The following RXRB variants were observed in gnomAD, a reference collection of about 807,000 sequenced individuals.
RXRB encodes retinoid X receptor beta, also known as retinoic acid receptor RXR-beta.
In RXRB, 18 loss-of-function variants were observed where a neutral mutation model predicts 52.5. That is an observed-to-expected ratio of 0.34 (90% CI 0.24 to 0.51). The LOEUF is 0.51. Among genes scored for constraint, RXRB ranks in the 20% least tolerant of loss-of-function variants. The probability of loss-of-function intolerance (pLI) is 0.97; values close to 1 mark genes in which losing one functional copy is unlikely to be tolerated. For missense variants in RXRB, 455 were observed against 698.2 expected, an observed-to-expected ratio of 0.65 and a Z score of 3.92; for synonymous variants, 233 against 267.1, an observed-to-expected ratio of 0.87 and a Z score of 1.25.
Position 33,195,617 on chromosome 6 carries a change from C to T in RXRB, c.1209G>A (p.Val403=). The T allele has an allele frequency of 6.2e-7, 1 of 1,613,050 alleles. No individual in the cohort carries two copies. Among genetic ancestry groups the T allele is most frequent in the Non-Finnish European group, 8.5e-7 (1 of 1,180,038 alleles). ...DGILLATGLH[V]HRNSAHSAGV... is the part of the protein sequence containing the mutation. ...CTGCTGAATGGGCTGAGTTGCGGTG[C>T]ACGTGAAGACCTGTGGCAAGGAGGA... The change falls in exon 7 of 10, where the codon GTG becomes GTA. Residue 403 remains valine, a synonymous_variant. Coordinates refer to ENST00000374680, the MANE Select transcript of RXRB (RefSeq NM_021976.5). The surrounding 1 kb of genome is among the most constrained non-coding windows in gnomAD (Gnocchi z 8.6).
chr6:33,197,614 G>T lies in RXRB; in HGVS notation c.820+148C>A. 1 of 742,282 alleles carries T rather than the reference G, an allele frequency of 1.3e-6. No individual in the cohort carries two copies. Among genetic ancestry groups the T allele is most frequent in the Non-Finnish European group, 2.2e-6 (1 of 462,886 alleles). 46.0% of individuals were successfully genotyped at this position (742,282 alleles called of 1,614,324 possible). A position where few individuals can be genotyped will look rare whatever the true frequency, so the allele number is the denominator to read the frequency against. ...ACTCAAGGGCCAGAACAGGGTAACA[G>T]GGAGGAGAGCTGCGAAGGGAGAGAG... On this transcript the variant is annotated intron_variant, in intron 4 of 9. Coordinates refer to ENST00000374680, the MANE Select transcript of RXRB (RefSeq NM_021976.5). This position sits in a 1 kb window ranked among gnomAD's most constrained non-coding sequence, Gnocchi z 4.4.
At chr6:33,199,495 C>T in intron 1 of RXRB, 79 bp from the exon 2 acceptor site, 1 of 1,130,254 alleles carries the variant, frequency 8.8e-7, no homozygotes, top group Non-Finnish European at 1.1e-6. Context: ...CTTCAAACAT[C>T]CAACTAGAGA....
intron 1 of RXRB, chr6:33,199,734 G>A (rs1189165705): frequency 4.6e-6 from 2 of 431,818 alleles, no homozygotes; most frequent in Non-Finnish European, 8.8e-6. Flanking sequence ...TGTGGTGAGA[G>A]GAGGGAGTTG....
rs905867833 is a variant in RXRB, at chr6:33,200,564, TGAGA to T, written c.-92_-89del. 6.7e-7 allele frequency: 1 copy of T among 1,495,828 alleles called. No homozygotes were observed. Among genetic ancestry groups the T allele is most frequent in the Admixed American group, 2.2e-5 (1 of 45,812 alleles). The allele number at this position is 1,495,828 out of a possible 1,614,324, so 92.7% of individuals were successfully genotyped here. ...GATTAGCTGAGCACGAGGAAGCCCC[TGAGA>T]GAAAGACTCTGGCCTGGATTGGGTC... On this transcript the variant is annotated 5_prime_UTR_variant, in exon 1 of 10. Coordinates refer to ENST00000374680, the MANE Select transcript of RXRB (RefSeq NM_021976.5). The surrounding 1 kb of genome is among the most constrained non-coding windows in gnomAD (Gnocchi z 6.3).
At position 33,200,182 on chromosome 6, in the gene RXRB, G is replaced by A; in HGVS notation, c.235+60C>T. 1.9e-6 allele frequency: 3 copies of A among 1,583,124 alleles called. No homozygotes were observed. In the South Asian group the frequency reaches 3.4e-5, roughly 18 times the overall value. On this transcript the variant is annotated intron_variant, in intron 1 of 9. Coordinates refer to ENST00000374680, the MANE Select transcript of RXRB (RefSeq NM_021976.5). This position sits in a 1 kb window ranked among gnomAD's most constrained non-coding sequence, Gnocchi z 6.3. Reference sequence around the variant, plus strand: ...GAAAAGAGCACCGGGGGAGGGTGTGGGGGAGGGGTCGCAGATAAAGCGGTC... The same window carrying A: ...GAAAAGAGCACCGGGGGAGGGTGTGAGGGAGGGGTCGCAGATAAAGCGGTC...
intron 2 of RXRB, chr6:33,198,679 C>A: frequency 1.5e-6 from 1 of 685,324 alleles, no homozygotes; most frequent in South Asian, 1.5e-5. Context: ...ACACAGTGAC[C>A]CTGAAGGGCA....
At chr6:33,198,218 T>C in intron 3 of RXRB, 90 bp downstream of exon 3, 1 of 1,580,868 alleles carries the variant, frequency 6.3e-7, no homozygotes, top group Non-Finnish European at 8.7e-7. Flanking sequence ...GGTCACTTGC[T>C]CTGACCAAAC....
chr6:33,198,761 AG>A (rs1225157464), intron 2 of RXRB: 3 of 525,298 alleles, frequency 5.7e-6, no homozygotes, highest in Non-Finnish European at 1.0e-5. Context: ...CAAGAATATC[AG>A]AATTAGCCGG....
At position 33,200,653 on chromosome 6, in the gene RXRB, T is replaced by C; in HGVS notation, c.-177A>G. On this transcript the variant is annotated 5_prime_UTR_variant, in exon 1 of 10. Coordinates refer to ENST00000374680, the MANE Select transcript of RXRB (RefSeq NM_021976.5). The surrounding 1 kb of genome is among the most constrained non-coding windows in gnomAD (Gnocchi z 6.3). ...GACAGCGCCAATGTGGCAGCCATCT[T>C]TGTACAGACGGGAAGTCTCGGCGCG... The C allele has an allele frequency of 1.3e-6, 2 of 1,531,508 alleles. No homozygotes were observed. Among genetic ancestry groups the C allele is most frequent in the South Asian group, 1.2e-5 (1 of 81,082 alleles). 94.9% of individuals were successfully genotyped at this position (1,531,508 alleles called of 1,614,324 possible).
rs376088758 is a variant in RXRB at position 33,197,021 on chromosome 6, C to T, written c.821-415G>A. ...ATTCTCATTTTTAAGATGAAGAACT[C>T]GGGGTTCAAAGAGATTAGTTTGCTT... is the stretch of plus-strand genomic sequence containing the variant. On this transcript the variant is annotated intron_variant, in intron 4 of 9. Coordinates refer to ENST00000374680, the MANE Select transcript of RXRB (RefSeq NM_021976.5). This position sits in a 1 kb window ranked among gnomAD's most constrained non-coding sequence, Gnocchi z 4.4. 6.6e-6 allele frequency among the ~76,000 whole-genome samples: 1 copy of T among 152,110 alleles called. No homozygotes were observed. Among genetic ancestry groups the T allele is most frequent in the Non-Finnish European group, 1.5e-5 (1 of 68,022 alleles).
rs1562411358 is a variant in RXRB at position 33,195,948 on chromosome 6, G to A, written c.1082C>T (p.Ser361Phe). ...VEWAKRIPHF[S>F]SLPLDDQVIL... ...GACCTGATCATCCAGAGGCAAGGAG[G>A]AAAAGTGTGGGATCCTCTTCGCCCA... is the stretch of plus-strand genomic sequence containing the variant. The change falls in exon 6 of 10, where the codon TCC becomes TTC. Residue 361 changes from serine (S) to phenylalanine (F), a missense_variant. Transcript: ENST00000374680. This position sits in a 1 kb window ranked among gnomAD's most constrained non-coding sequence, Gnocchi z 8.6. 1 of 1,613,028 alleles carries A rather than the reference G, an allele frequency of 6.2e-7. No homozygotes were observed. The highest frequency in any genetic ancestry group is 8.5e-7 in the Non-Finnish European group (1 of 1,180,036).
rs748988941 is a variant in RXRB, at chr6:33,194,571, C to T, written c.*111G>A. ...ATGTTCTTGGTTCTGCCCTGTACTTCTCACCCCATCAAGGTTCTGGGAACA... is the reference window on the plus strand; with the variant it reads ...ATGTTCTTGGTTCTGCCCTGTACTTTTCACCCCATCAAGGTTCTGGGAACA... On this transcript the variant is annotated 3_prime_UTR_variant, in exon 10 of 10. Coordinates refer to ENST00000374680, the MANE Select transcript of RXRB (RefSeq NM_021976.5). This position sits in a 1 kb window ranked among gnomAD's most constrained non-coding sequence, Gnocchi z 4.1. 8.4e-7 allele frequency: 1 copy of T among 1,191,258 alleles called. No individual in the cohort carries two copies. Among genetic ancestry groups the T allele is most frequent in the Non-Finnish European group, 1.2e-6 (1 of 854,322 alleles). 73.8% of individuals were successfully genotyped at this position (1,191,258 alleles called of 1,614,324 possible).
rs1774356862 is a variant in RXRB at position 33,200,168 on chromosome 6, CGGGGGAGGGTGT to C, written c.235+62_235+73del. The stretch of plus-strand genomic sequence containing the variant: ...GGCGGGAGCGCAAGGAAAAGAGCAC[CGGGGGAGGGTGT>C]GGGGGAGGGGTCGCAGATAAAGCGG... On this transcript the variant is annotated intron_variant, in intron 1 of 9. Coordinates refer to ENST00000374680, the MANE Select transcript of RXRB (RefSeq NM_021976.5). The surrounding 1 kb of genome is among the most constrained non-coding windows in gnomAD (Gnocchi z 6.3). 1 of 1,563,700 alleles carries C rather than the reference CGGGGGAGGGTGT, an allele frequency of 6.4e-7. No homozygotes were observed. The highest frequency in any genetic ancestry group is 8.7e-7 in the Non-Finnish European group (1 of 1,148,890).
chr6:33,196,222 G>C lies in RXRB; in HGVS notation c.994-186C>G. 1.1e-6 allele frequency: 1 copy of C among 931,928 alleles called. No homozygotes were observed. The highest frequency in any genetic ancestry group is 1.7e-6 in the Non-Finnish European group (1 of 591,730). 57.7% of individuals were successfully genotyped at this position (931,928 alleles called of 1,614,324 possible). On this transcript the variant is annotated intron_variant, in intron 5 of 9. Transcript: ENST00000374680. The surrounding 1 kb of genome is among the most constrained non-coding windows in gnomAD (Gnocchi z 4.0). ...AATTATTTATTTGGGACATGCCTAT[G>C]GTTCTGCCAGTGGGTTGTTTGGGGA...
At position 33,200,637 on chromosome 6, in the gene RXRB, A is replaced by T; in HGVS notation, c.-161T>A. 2.6e-6 allele frequency: 4 copies of T among 1,516,460 alleles called. No individual in the cohort carries two copies. In the South Asian group the frequency reaches 3.8e-5, roughly 14 times the overall value. The allele number at this position is 1,516,460 out of a possible 1,614,324, so 93.9% of individuals were successfully genotyped here. On this transcript the variant is annotated 5_prime_UTR_variant, in exon 1 of 10. An upstream open reading frame in the 5' UTR gains an earlier in-frame stop. Transcript: ENST00000374680. The surrounding 1 kb of genome is among the most constrained non-coding windows in gnomAD (Gnocchi z 6.3). ...TGCTCAGTACCAAAATGACAGCGCC[A>T]ATGTGGCAGCCATCTTTGTACAGAC...
Position 33,194,316 on chromosome 6 carries a change from C to T in RXRB, c.*366G>A. The T allele has an allele frequency of 5.2e-6, 1 of 193,480 alleles. No homozygotes were observed. The highest frequency in any genetic ancestry group is 1.1e-5 in the Non-Finnish European group (1 of 95,114). 12.0% of individuals were successfully genotyped at this position (193,480 alleles called of 1,614,324 possible). A position where few individuals can be genotyped will look rare whatever the true frequency, so the allele number is the denominator to read the frequency against. On this transcript the variant is annotated 3_prime_UTR_variant, in exon 10 of 10. Coordinates refer to ENST00000374680, the MANE Select transcript of RXRB (RefSeq NM_021976.5). This position sits in a 1 kb window ranked among gnomAD's most constrained non-coding sequence, Gnocchi z 4.1. ...CACCTCTGGGGGAGTTCCCCATTTC[C>T]ACTCTTCAGATGGGAAGCAAAATGA...
In RXRB at chr6:33,196,605, C is replaced by T. The variant is rs762071640; in HGVS notation, c.822G>A (p.Ala274=). The T allele has an allele frequency of 6.3e-6, 10 of 1,596,614 alleles. No individual in the cohort carries two copies. Among genetic ancestry groups the T allele is most frequent in the African/African-American group, 5.4e-5 (4 of 74,278 alleles). The change falls in exon 5 of 10, where the codon GCG becomes GCA. Residue 274 remains alanine, a splice_region_variant and synonymous_variant. Transcript: ENST00000374680. The surrounding 1 kb of genome is among the most constrained non-coding windows in gnomAD (Gnocchi z 4.0). ...TTCCCCGCTGACGCTCCTCCTGTAC[C>T]GCTGCAGGGGGAAGGGGGAGAGAAA... is the stretch of plus-strand genomic sequence containing the variant. ...KCLATGMKRE[A]VQEERQRGKD...
rs1320408182 is a variant in RXRB at position 33,197,492 on chromosome 6, C to G, written c.820+270G>C. 1.3e-5 allele frequency among the ~76,000 whole-genome samples: 2 copies of G among 152,204 alleles called. No individual in the cohort carries two copies. Reference sequence around the variant, plus strand: ...ACCACTCAGGTTAGAAATGGGGAGACAGCCCATCATGGCTAAGGAAAAGTT... The same window carrying G: ...ACCACTCAGGTTAGAAATGGGGAGAGAGCCCATCATGGCTAAGGAAAAGTT... On this transcript the variant is annotated intron_variant, in intron 4 of 9. Transcript: ENST00000374680. The surrounding 1 kb of genome is among the most constrained non-coding windows in gnomAD (Gnocchi z 4.4).
rs768156608 is a variant in RXRB at position 33,196,411 on chromosome 6, A to G, written c.993+23T>C. The G allele has an allele frequency of 1.2e-6, 2 of 1,610,298 alleles. No homozygotes were observed. Among genetic ancestry groups the G allele is most frequent in the Non-Finnish European group, 1.7e-6 (2 of 1,177,670 alleles). On this transcript the variant is annotated intron_variant, in intron 5 of 9. Coordinates refer to ENST00000374680, the MANE Select transcript of RXRB (RefSeq NM_021976.5). This position sits in a 1 kb window ranked among gnomAD's most constrained non-coding sequence, Gnocchi z 4.0. ...TCCCCCAACCCCCATCACGAAGGAGAGTGGATTGACCCCAACACTCACGCT... is the reference window on the plus strand; with the variant it reads ...TCCCCCAACCCCCATCACGAAGGAGGGTGGATTGACCCCAACACTCACGCT...
Sources: allele counts gnomAD v4.1 joint callset (sites outside exome capture counted in the v4.1 genomes callset), GRCh38; gene constraint gnomAD v4.1.1; non-coding constraint Gnocchi (gnomAD v3.1); transcripts MANE v1.5; gene names NCBI Gene and HGNC (gene_info 2026-07-23, HGNC 2026-07-21).